SGMS1: variants seen among roughly 807,000 people sequenced by gnomAD.
SGMS1 encodes sphingomyelin synthase 1.
SGMS1 carries 13 observed loss-of-function variants against 46.2 expected under a neutral mutation model. The ratio of observed to expected loss-of-function variants is 0.28; its 90% CI spans 0.18 to 0.45. SGMS1 has a LOEUF of 0.45. SGMS1 is among the 20% of genes least tolerant of loss of function. The probability of loss-of-function intolerance (pLI) is 1.00; values close to 1 mark genes in which losing one functional copy is unlikely to be tolerated. For synonymous variants in SGMS1, 203 were observed against 187.8 expected (o/e 1.08, Z -0.66); for missense variants, 324 against 519.9 (o/e 0.62, Z 3.66).
intron 7 of SGMS1, chr10:50,342,338 T>C (rs1482599116): frequency 1.3e-5 from 2 of 152,228 alleles, no homozygotes; most frequent in East Asian, 1.9e-4. Flanking sequence ...AACAATTCTA[T>C]TTCAGATTCA....
chr10:50,575,847 G>C (rs1838380320), intron 2 of SGMS1, among the ~76,000 whole-genome samples: 1 of 152,062 alleles, frequency 6.6e-6, no homozygotes, highest in Non-Finnish European at 1.5e-5. Context: ...CTTCTGAAAG[G>C]CTTTTTAAGT....
intron 6 of SGMS1, among the ~76,000 whole-genome samples, chr10:50,381,233 G>A (rs554574013): frequency 4.2e-4 from 64 of 150,834 alleles, no homozygotes; most frequent in Middle Eastern, 3.4e-3. Context: ...GAGTCCCATG[G>A]TATATGAAAA....
At chr10:50,574,960 G>GGTGTATATATATATATATAT (rs1838367725) in intron 2 of SGMS1, among the ~76,000 whole-genome samples, 1 of 42,164 alleles carries the variant, frequency 2.4e-5, no homozygotes, top group Non-Finnish European at 4.5e-5. Flanking sequence ...AGGAAAATGT[G>GGTGTATATATATATATATAT]GTGTATATAT....
At chr10:50,517,843 T>C (rs1837819200) in intron 3 of SGMS1, among the ~76,000 whole-genome samples, 1 of 150,502 alleles carries the variant, frequency 6.6e-6, no homozygotes, top group Non-Finnish European at 1.5e-5. Flanking sequence ...ACGGCAAAAA[T>C]GAAAGCTATG....
intron 3 of SGMS1, among the ~76,000 whole-genome samples, chr10:50,488,020 T>G (rs185510757): frequency 2.0e-5 from 3 of 146,960 alleles, no homozygotes; most frequent in Admixed American, 6.7e-5. Context: ...TTTATTTATT[T>G]ATTTATTTAT....
chr10:50,481,388 G>A (rs1837475661), intron 3 of SGMS1, among the ~76,000 whole-genome samples: 1 of 152,188 alleles, frequency 6.6e-6, no homozygotes, highest in South Asian at 2.1e-4. Flanking sequence ...CCAGGTGTGG[G>A]AGGGACTGAG....
intron 1 of SGMS1, 128 bp from the exon 2 acceptor site, chr10:50,590,375 A>C (rs1431726239): frequency 6.6e-6 from 1 of 152,322 alleles, no homozygotes; most frequent in Non-Finnish European, 1.5e-5. Context: ...CAACTTTTTA[A>C]TAGGGGAAAA....
chr10:50,498,826 C>A (rs1012268884), intron 3 of SGMS1, among the ~76,000 whole-genome samples: 2 of 152,106 alleles, frequency 1.3e-5, no homozygotes, highest in African/African-American at 4.8e-5. Context: ...AGGTCTAAAC[C>A]CAGAAGTGGA....
At chr10:50,365,475 T>C (rs1191396985) in intron 6 of SGMS1, among the ~76,000 whole-genome samples, 1 of 152,134 alleles carries the variant, frequency 6.6e-6, no homozygotes, top group Non-Finnish European at 1.5e-5. Flanking sequence ...TGCAGGTTTG[T>C]TACGTAAGTA....
At chr10:50,356,101 G>T (rs1339536907) in intron 6 of SGMS1, among the ~76,000 whole-genome samples, 1 of 152,234 alleles carries the variant, frequency 6.6e-6, no homozygotes, top group Non-Finnish European at 1.5e-5. Flanking sequence ...TGACGATGCA[G>T]TTTTGTCGAA....
chr10:50,463,772 C>T (rs114475063), intron 4 of SGMS1, among the ~76,000 whole-genome samples: 98 of 152,230 alleles, frequency 6.4e-4, no homozygotes, highest in African/African-American at 2.3e-3. Flanking sequence ...GTGGACGCAA[C>T]CCACACATCC....
chr10:50,376,704 T>C (rs1848527285), intron 6 of SGMS1, among the ~76,000 whole-genome samples: 5 of 152,300 alleles, frequency 3.3e-5, no homozygotes, highest in Admixed American at 2.0e-4. Context: ...GGCCTTGCGA[T>C]AGTTTGCTGA....
At chr10:50,366,904 T>A (rs956026818) in intron 6 of SGMS1, among the ~76,000 whole-genome samples, 1 of 152,130 alleles carries the variant, frequency 6.6e-6, no homozygotes, top group Admixed American at 6.5e-5. Context: ...TACATACCTA[T>A]GTAACAAAAC....
chr10:50,388,779 A>G (rs1848722442), intron 6 of SGMS1, among the ~76,000 whole-genome samples: 1 of 152,194 alleles, frequency 6.6e-6, no homozygotes, highest in Non-Finnish European at 1.5e-5. Context: ...AACCTACTAC[A>G]TAAAACAATA....
At chr10:50,583,032 G>GAGGC (rs1838449651) in intron 2 of SGMS1, among the ~76,000 whole-genome samples, 1 of 152,122 alleles carries the variant, frequency 6.6e-6, no homozygotes, top group South Asian at 2.1e-4. Context: ...TAGCGTGCAT[G>GAGGC]AGGCACTATT....
At chr10:50,310,181 A>T (rs1258617073) in intron 9 of SGMS1, among the ~76,000 whole-genome samples, 5 of 152,046 alleles carry the variant, frequency 3.3e-5, no homozygotes, top group African/African-American at 1.2e-4. Context: ...CCTACTCTGA[A>T]TTCCACCCAC....
intron 1 of SGMS1, among the ~76,000 whole-genome samples, chr10:50,600,366 C>T (rs183705090): frequency 2.8e-4 from 42 of 152,322 alleles, no homozygotes; most frequent in Admixed American, 1.7e-3. Context: ...TATTCTGCAT[C>T]TACAAAATGG....
At chr10:50,490,479 G>A (rs1474059015) in intron 3 of SGMS1, among the ~76,000 whole-genome samples, 1 of 152,178 alleles carries the variant, frequency 6.6e-6, no homozygotes, top group Non-Finnish European at 1.5e-5. Flanking sequence ...CCTGAAATGT[G>A]TGGGACAAGC....
intron 3 of SGMS1, among the ~76,000 whole-genome samples, chr10:50,494,970 A>C (rs867379227): frequency 8.5e-6 from 1 of 117,760 alleles, no homozygotes; most frequent in East Asian, 2.4e-4. Flanking sequence ...CGGGAGGCGG[A>C]GCTTGCAGTG....
Sources: gnomAD v4.1 joint callset for allele counts (sites outside exome capture counted in the v4.1 genomes callset) on GRCh38, gnomAD v4.1.1 for gene constraint, MANE v1.5 for transcripts, NCBI Gene and HGNC (gene_info 2026-07-23, HGNC 2026-07-21) for gene names.